Variants in CASD1 observed in about 807,000 individuals in gnomAD.
The protein encoded by CASD1 is N-acetylneuraminate (7)9-O-acetyltransferase.
CASD1 carries 41 observed loss-of-function variants against 100.0 expected under a neutral mutation model. The ratio of observed to expected loss-of-function variants is 0.41; its 90% CI spans 0.32 to 0.53. The LOEUF (loss-of-function observed/expected upper bound fraction) is 0.53, where lower values mean the gene tolerates loss of function less well. Ranked by LOEUF, CASD1 falls within the 20% of genes least tolerant of loss-of-function variation. The probability of loss-of-function intolerance (pLI) is 0.25; values close to 1 mark genes in which losing one functional copy is unlikely to be tolerated. For synonymous variants in CASD1, 321 were observed against 315.6 expected (o/e 1.02, Z -0.18); for missense variants, 774 against 948.7 (o/e 0.82, Z 2.42).
At chr7:94,629,681 G>A in the CASD1 span, 1 of 1,605,862 alleles carries the variant, frequency 6.2e-7, no homozygotes, top group African/African-American at 1.3e-5. Context: ...AAAAAATTTA[G>A]TACGTTAACT....
At position 94,510,604 on chromosome 7, in the gene CASD1, C is replaced by T. The variant is rs374101907; in HGVS notation, c.133+387C>T. Among the ~76,000 whole-genome samples, 139 of 152,344 alleles carry T rather than the reference C, an allele frequency of 9.1e-4. 1 individual carries two copies. The East Asian group carries it at 0.02, about 22-fold the overall frequency. ...CGGTCCTTGGGGGCAGCCCGGGGCGCATGAAGCCCAAGGCCGCCCTGCAAG... is the reference window on the plus strand; with the variant it reads ...CGGTCCTTGGGGGCAGCCCGGGGCGTATGAAGCCCAAGGCCGCCCTGCAAG... On this transcript the variant is annotated intron_variant, in intron 1 of 17. Coordinates refer to ENST00000297273, the MANE Select transcript of CASD1 (RefSeq NM_022900.5).
the CASD1 span, among the ~76,000 whole-genome samples, chr7:94,564,710 C>T: frequency 6.6e-6 from 1 of 152,112 alleles, no homozygotes; most frequent in Non-Finnish European, 1.5e-5. Context: ...TGCGCCCACT[C>T]TGAAGGCCAT....
chr7:94,590,341 G>C, the CASD1 span, among the ~76,000 whole-genome samples: 1 of 151,818 alleles, frequency 6.6e-6, no homozygotes, highest in African/African-American at 2.4e-5. Context: ...CACAAATTAG[G>C]TTACCATTTA....
chr7:94,530,740 T>C (rs1277153821), intron 5 of CASD1, among the ~76,000 whole-genome samples: 1 of 151,982 alleles, frequency 6.6e-6, no homozygotes, highest in Non-Finnish European at 1.5e-5. Flanking sequence ...TTGAAGTTAT[T>C]TGAATGGAAG....
chr7:94,591,968 A>G, the CASD1 span, among the ~76,000 whole-genome samples: 5 of 152,178 alleles, frequency 3.3e-5, no homozygotes, highest in Admixed American at 1.3e-4. Flanking sequence ...TTTCAAAGGA[A>G]ACTTAGATGA....
the CASD1 span, among the ~76,000 whole-genome samples, chr7:94,563,529 T>A: frequency 7.9e-5 from 12 of 152,174 alleles, no homozygotes; most frequent in African/African-American, 2.7e-4. Flanking sequence ...GAAGTATTCC[T>A]TGTGTAATAA....
the CASD1 span, chr7:94,617,941 G>A: frequency 2.0e-5 from 3 of 152,164 alleles, no homozygotes; most frequent in African/African-American, 7.2e-5. Flanking sequence ...GTTGAAAGGG[G>A]AATATGCTAT....
chr7:94,581,448 G>GT, the CASD1 span, among the ~76,000 whole-genome samples: 1 of 152,076 alleles, frequency 6.6e-6, no homozygotes, highest in East Asian at 1.9e-4. Context: ...GTGCCATATG[G>GT]TTTGCTGCAC....
chr7:94,523,063 T>A (rs1218260197), intron 3 of CASD1, among the ~76,000 whole-genome samples: 1 of 152,222 alleles, frequency 6.6e-6, no homozygotes, highest in Non-Finnish European at 1.5e-5. Flanking sequence ...ATATCAAACT[T>A]AACCTGATAA....
At chr7:94,587,818 A>C in the CASD1 span, 1 of 1,544,128 alleles carries the variant, frequency 6.5e-7, no homozygotes, top group Non-Finnish European at 8.7e-7. Flanking sequence ...ATCTCCTTAA[A>C]TTCACGAAAG....
Position 94,528,261 on chromosome 7 carries a change from A to G in CASD1, c.459+11A>G, listed in dbSNP as rs752802503. On this transcript the variant is annotated intron_variant, in intron 5 of 17. Transcript: ENST00000297273. ...AAAGTGTGGACTGAGGTCTGTATTT[A>G]AAAAACATAGGCTTTTTTTTTTTTT... 1 of 1,539,502 alleles carries G rather than the reference A, an allele frequency of 6.5e-7. No homozygotes were observed. The highest frequency in any genetic ancestry group is 1.2e-5 in the South Asian group (1 of 81,774).
chr7:94,629,061 A>T, the CASD1 span: 4 of 152,086 alleles, frequency 2.6e-5, no homozygotes, highest in African/African-American at 4.8e-5. Context: ...AATGCTAAAA[A>T]CATTCTTATA....
chr7:94,580,894 A>T, the CASD1 span, among the ~76,000 whole-genome samples: 1 of 152,174 alleles, frequency 6.6e-6, no homozygotes, highest in Non-Finnish European at 1.5e-5. Context: ...GTTGCAAAGG[A>T]TACCAATTGC....
the CASD1 span, among the ~76,000 whole-genome samples, chr7:94,581,631 T>G: frequency 6.6e-6 from 1 of 152,214 alleles, no homozygotes; most frequent in Non-Finnish European, 1.5e-5. Context: ...TGGCATTTTG[T>G]TTTCTGTTTC....
chr7:94,523,782 G>C (rs905207203), intron 3 of CASD1, among the ~76,000 whole-genome samples: 6 of 152,166 alleles, frequency 3.9e-5, no homozygotes, highest in African/African-American at 1.4e-4. Context: ...GAAAGGATTT[G>C]TTATACAATA....
chr7:94,564,524 C>T, the CASD1 span, among the ~76,000 whole-genome samples: 1 of 152,148 alleles, frequency 6.6e-6, no homozygotes, highest in East Asian at 1.9e-4. Flanking sequence ...AGGCAAAGGA[C>T]CCAATTGAGG....
At chr7:94,630,021 C>A in the CASD1 span, 3 of 627,244 alleles carry the variant, frequency 4.8e-6, no homozygotes, top group Non-Finnish European at 5.3e-6. Flanking sequence ...GATTTCAGGA[C>A]AAAATGGGAA....
At chr7:94,522,636 G>A (rs1407253239) in intron 3 of CASD1, among the ~76,000 whole-genome samples, 1 of 151,878 alleles carries the variant, frequency 6.6e-6, no homozygotes, top group African/African-American at 2.4e-5. Flanking sequence ...TGAAGCACGC[G>A]TGGAACTTTT....
chr7:94,569,604 G>A, the CASD1 span, among the ~76,000 whole-genome samples: 1 of 151,684 alleles, frequency 6.6e-6, no homozygotes, highest in Non-Finnish European at 1.5e-5. Flanking sequence ...CTCTGTGCTT[G>A]GCCAATTTTT....
Sources: allele counts gnomAD v4.1 joint callset (sites outside exome capture counted in the v4.1 genomes callset), GRCh38; gene constraint gnomAD v4.1.1; transcripts MANE v1.5; gene names NCBI Gene and HGNC (gene_info 2026-07-23, HGNC 2026-07-21).